Variants in CELF4 observed in about 807,000 individuals in gnomAD.
CELF4 encodes the protein CUG-BP- and ETR-3-like factor 4.
Under a neutral mutation model 59.9 loss-of-function variants are expected in CELF4, and 18 were observed. The observed-to-expected ratio is 0.30, with a 90% confidence interval of 0.21 to 0.45. CELF4 has a LOEUF of 0.45. CELF4 is among the 20% of genes least tolerant of loss of function. CELF4 has a pLI of 1.00. For missense variants in CELF4, 456 were observed against 689.0 expected, an observed-to-expected ratio of 0.66 and a Z score of 3.79; for synonymous variants, 261 against 267.1, an observed-to-expected ratio of 0.98 and a Z score of 0.22.
intron 2 of CELF4, among the ~76,000 whole-genome samples, chr18:37,362,352 C>A (rs940759195): frequency 6.6e-6 from 1 of 152,216 alleles, no homozygotes; most frequent in South Asian, 2.1e-4. Context: ...CATCACTCCC[C>A]GGCGGCAGCC....
At chr18:37,465,682 A>G (rs769761052) in intron 2 of CELF4, among the ~76,000 whole-genome samples, 2 of 152,194 alleles carry the variant, frequency 1.3e-5, no homozygotes, top group Non-Finnish European at 2.9e-5. Flanking sequence ...TTCATAATAT[A>G]AAACAGAGTG....
intron 2 of CELF4, among the ~76,000 whole-genome samples, chr18:37,412,455 T>C (rs1188421091): frequency 1.3e-5 from 2 of 152,128 alleles, no homozygotes; most frequent in Non-Finnish European, 2.9e-5. Context: ...CATGCATGCA[T>C]GGGTGGATGG....
intron 2 of CELF4, among the ~76,000 whole-genome samples, chr18:37,408,492 C>CGGGGGGCGGGGGGGG (rs1557416128): frequency 8.9e-6 from 1 of 112,266 alleles, no homozygotes; most frequent in Non-Finnish European, 1.8e-5. Context: ...TGGTTGGTGC[C>CGGGGGGCGGGGGGGG]GGGGGGGGGC....
chr18:37,301,481 C>A (rs1189825334), intron 3 of CELF4, among the ~76,000 whole-genome samples: 1 of 152,172 alleles, frequency 6.6e-6, no homozygotes, highest in Non-Finnish European at 1.5e-5. Flanking sequence ...GGACAGCTAC[C>A]ACAAAGTCCC....
At chr18:37,433,416 T>C (rs2099677238) in intron 2 of CELF4, among the ~76,000 whole-genome samples, 1 of 152,144 alleles carries the variant, frequency 6.6e-6, no homozygotes, top group Non-Finnish European at 1.5e-5. Flanking sequence ...TCTTTTATTG[T>C]ACATTTTTCT....
At chr18:37,531,649 G>A (rs1261946747) in intron 1 of CELF4, among the ~76,000 whole-genome samples, 2 of 152,222 alleles carry the variant, frequency 1.3e-5, no homozygotes, top group Non-Finnish European at 2.9e-5. Flanking sequence ...GGTGGGGTGG[G>A]TGGAACCAAT....
At chr18:37,339,566 C>T (rs1483079710) in intron 2 of CELF4, among the ~76,000 whole-genome samples, 2 of 152,074 alleles carry the variant, frequency 1.3e-5, no homozygotes, top group Admixed American at 1.3e-4. Flanking sequence ...CCAGCCTAGC[C>T]AACATAGTGA....
chr18:37,472,743 G>T (rs562602736), intron 2 of CELF4, among the ~76,000 whole-genome samples: 2 of 152,156 alleles, frequency 1.3e-5, no homozygotes, highest in African/African-American at 4.8e-5. Context: ...GGAGGGTTTC[G>T]CCTCTAAGGC....
At chr18:37,332,303 G>T (rs1399950623) in intron 2 of CELF4, among the ~76,000 whole-genome samples, 1 of 152,174 alleles carries the variant, frequency 6.6e-6, no homozygotes, top group South Asian at 2.1e-4. Flanking sequence ...GGGGTGGGAC[G>T]CAGTGGTCTC....
At chr18:37,444,051 CTAACTTCT>C (rs1569569438) in intron 2 of CELF4, among the ~76,000 whole-genome samples, 1 of 152,292 alleles carries the variant, frequency 6.6e-6, no homozygotes, top group Admixed American at 6.5e-5. Flanking sequence ...GGGCCAGTTA[CTAACTTCT>C]CCCTGCCTCA....
chr18:37,443,915 G>T (rs992691736), intron 2 of CELF4, among the ~76,000 whole-genome samples: 3 of 152,140 alleles, frequency 2.0e-5, no homozygotes, highest in Non-Finnish European at 4.4e-5. Flanking sequence ...CTCTAAAATA[G>T]ATGCTAAAAA....
chr18:37,350,519 G>A (rs1357137729), intron 2 of CELF4, among the ~76,000 whole-genome samples: 2 of 152,070 alleles, frequency 1.3e-5, no homozygotes, highest in Admixed American at 1.3e-4. Flanking sequence ...GAGCCTGTCC[G>A]ATCCCAATCA....
intron 2 of CELF4, among the ~76,000 whole-genome samples, chr18:37,385,701 T>C (rs973059360): frequency 6.6e-6 from 1 of 152,248 alleles, no homozygotes; most frequent in Non-Finnish European, 1.5e-5. Context: ...GCTTTTTCTA[T>C]GATATTGTGC....
chr18:37,370,837 T>C (rs2098852892), intron 2 of CELF4, among the ~76,000 whole-genome samples: 1 of 152,190 alleles, frequency 6.6e-6, no homozygotes, highest in Admixed American at 6.5e-5. Context: ...CTGAACTTAG[T>C]TTTTGTGTAA....
At chr18:37,368,942 C>G (rs7237447) in intron 2 of CELF4, among the ~76,000 whole-genome samples, 1 of 152,072 alleles carries the variant, frequency 6.6e-6, no homozygotes, top group Non-Finnish European at 1.5e-5. Flanking sequence ...TGCATACAAG[C>G]CTGCACACAT....
chr18:37,515,702 C>T (rs2099949914), intron 1 of CELF4, among the ~76,000 whole-genome samples: 1 of 152,144 alleles, frequency 6.6e-6, no homozygotes, highest in Non-Finnish European at 1.5e-5. Context: ...AAGGGTGCTG[C>T]CCTCCAGCTG....
Position 37,503,953 on chromosome 18 carries a change from C to T in CELF4, c.287-18346G>A, listed in dbSNP as rs558498039. Among the ~76,000 whole-genome samples, 10 of 152,248 alleles carry T rather than the reference C, an allele frequency of 6.6e-5. No homozygotes were observed. The South Asian group carries it at 1.7e-3, about 25-fold the overall frequency. On this transcript the variant is annotated intron_variant, in intron 1 of 12. Transcript: ENST00000420428. ...AGTTGTCCTCTCCAGTAAGAAGCAA[C>T]CAGATTCAGGGCCAAGAGAGTGGCT...
intron 2 of CELF4, among the ~76,000 whole-genome samples, chr18:37,464,619 T>G (rs1353092431): frequency 6.6e-6 from 1 of 152,164 alleles, no homozygotes; most frequent in Non-Finnish European, 1.5e-5. Context: ...GGTGTGTTTC[T>G]CAGACAGGCT....
intron 3 of CELF4, among the ~76,000 whole-genome samples, chr18:37,315,881 G>T (rs1029325286): frequency 6.6e-6 from 1 of 152,214 alleles, no homozygotes; most frequent in Non-Finnish European, 1.5e-5. Context: ...CAGCCCAGGA[G>T]CTTTCCAAGC....
Sources: gnomAD v4.1 joint callset for allele counts (sites outside exome capture counted in the v4.1 genomes callset) on GRCh38, gnomAD v4.1.1 for gene constraint, MANE v1.5 for transcripts, NCBI Gene and HGNC (gene_info 2026-07-23, HGNC 2026-07-21) for gene names.